The following ITSN1 variants were observed in gnomAD, a reference collection of about 807,000 sequenced individuals.
ITSN1 encodes intersectin 1, also known as intersectin-1.
A neutral mutation model predicts 239.8 loss-of-function variants in ITSN1; 58 were observed. The observed-to-expected ratio is 0.24, with a 90% CI of 0.20 to 0.30. ITSN1 has a LOEUF of 0.30. ITSN1 is among the 10% of genes least tolerant of loss of function. The pLI, the probability that ITSN1 is intolerant of heterozygous loss-of-function variation, is 1.00. For missense variants in ITSN1, 1,558 were observed against 2,103.3 expected (o/e 0.74, Z 5.07); for synonymous variants, 780 against 770.8 (o/e 1.01, Z -0.20).
chr21:33,873,604 C>T (rs1050476595), intron 33 of ITSN1, among the ~76,000 whole-genome samples: 1 of 152,216 alleles, frequency 6.6e-6, no homozygotes, highest in African/African-American at 2.4e-5. Context: ...GGCGTGGTGG[C>T]TCACGCCTGT....
At chr21:33,854,647 G>A (rs1232947103) in intron 29 of ITSN1, among the ~76,000 whole-genome samples, 1 of 152,198 alleles carries the variant, frequency 6.6e-6, no homozygotes, top group East Asian at 1.9e-4. Flanking sequence ...AGTGAGCCCC[G>A]TGGCCTGCCT....
At chr21:33,879,764 C>G (rs903661579) in intron 34 of ITSN1, among the ~76,000 whole-genome samples, 2 of 152,144 alleles carry the variant, frequency 1.3e-5, no homozygotes, top group Non-Finnish European at 2.9e-5. Context: ...ACTGCAACCT[C>G]CACCTCATGG....
rs1981505314 is a variant in ITSN1, at chr21:33,865,999, G to A, written c.4074+665G>A. 6.6e-6 allele frequency among the ~76,000 whole-genome samples: 1 copy of A among 151,774 alleles called. No homozygotes were observed. The highest frequency in any genetic ancestry group is 2.4e-5 in the African/African-American group (1 of 41,336). On this transcript the variant is annotated intron_variant, in intron 32 of 39. Coordinates refer to ENST00000381318, the MANE Select transcript of ITSN1 (RefSeq NM_003024.3). This position sits in a 1 kb window ranked among gnomAD's most constrained non-coding sequence, Gnocchi z 4.4. ...ATTCAAACAGCCCCCACATCTCCTGGAGAAAAAAAGGAGGAAGAGAATAAA... is the reference window on the plus strand; with the variant it reads ...ATTCAAACAGCCCCCACATCTCCTGAAGAAAAAAAGGAGGAAGAGAATAAA...
At chr21:33,753,558 C>T (rs2067703021) in intron 7 of ITSN1, among the ~76,000 whole-genome samples, 1 of 151,844 alleles carries the variant, frequency 6.6e-6, no homozygotes, top group Non-Finnish European at 1.5e-5. Context: ...GTCAGGAGTT[C>T]GAGACCAGCC....
At chr21:33,682,566 C>T (rs986704515) in intron 1 of ITSN1, among the ~76,000 whole-genome samples, 2 of 152,054 alleles carry the variant, frequency 1.3e-5, no homozygotes, top group African/African-American at 4.8e-5. Context: ...CTCTCTGTTG[C>T]CCAGGCTGGA....
At chr21:33,750,508 G>A (rs1274852194) in intron 6 of ITSN1, among the ~76,000 whole-genome samples, 186 bp downstream of exon 6, 2 of 152,164 alleles carry the variant, frequency 1.3e-5, no homozygotes, top group Non-Finnish European at 2.9e-5. Context: ...ATGTTAGTGT[G>A]GAGAGAGTCA....
intron 5 of ITSN1, among the ~76,000 whole-genome samples, chr21:33,740,134 A>G (rs956222893): frequency 1.3e-5 from 2 of 152,244 alleles, no homozygotes; most frequent in African/African-American, 4.8e-5. Context: ...TGGGGATAAC[A>G]GGAAGAGGAA....
chr21:33,837,657 A>AT (rs905906229), intron 29 of ITSN1: 7 of 985,822 alleles, frequency 7.1e-6, no homozygotes, highest in Non-Finnish European at 1.2e-6. Flanking sequence ...CATGTAATAC[A>AT]TCCTGTACAT....
chr21:33,830,472 A>G (rs2074229864), intron 27 of ITSN1, among the ~76,000 whole-genome samples: 1 of 152,182 alleles, frequency 6.6e-6, no homozygotes, highest in South Asian at 2.1e-4. Flanking sequence ...GGTGATCAGA[A>G]TGATGAGCAG....
chr21:33,824,145 G>A (rs2073846828), intron 25 of ITSN1, among the ~76,000 whole-genome samples: 1 of 152,032 alleles, frequency 6.6e-6, no homozygotes. Flanking sequence ...TCTAAGGGAT[G>A]GGTACACTTT....
intron 9 of ITSN1, among the ~76,000 whole-genome samples, chr21:33,764,517 G>C (rs2068584917): frequency 6.6e-6 from 1 of 152,142 alleles, no homozygotes; most frequent in Non-Finnish European, 1.5e-5. Flanking sequence ...GTTGCCAGGG[G>C]ATGGGGGCAA....
At chr21:33,715,835 T>C (rs1490979427) in intron 1 of ITSN1, among the ~76,000 whole-genome samples, 1 of 152,092 alleles carries the variant, frequency 6.6e-6, no homozygotes, top group Admixed American at 6.6e-5. Flanking sequence ...GGAGAATTGC[T>C]TGAACCCAGG....
chr21:33,659,495 C>T (rs914329313), intron 1 of ITSN1, among the ~76,000 whole-genome samples: 11 of 152,232 alleles, frequency 7.2e-5, no homozygotes, highest in Admixed American at 7.2e-4. Context: ...GGAGTCTGCA[C>T]TAACTCCGGT....
chr21:33,882,484 C>T lies in ITSN1; in HGVS notation c.4554+29C>T. ...AGTTGGATTCTAGATTTTGCATTAT[C>T]AGGGTTGACGTGTTTGGGGAGGAAG... On this transcript the variant is annotated intron_variant, in intron 35 of 39. Transcript: ENST00000381318. The surrounding 1 kb of genome is among the most constrained non-coding windows in gnomAD (Gnocchi z 4.5). 6.3e-7 allele frequency: 1 copy of T among 1,594,124 alleles called. No homozygotes were observed. Among genetic ancestry groups the T allele is most frequent in the East Asian group, 2.2e-5 (1 of 44,736 alleles).
rs938302483 is a variant in ITSN1 at position 33,882,586 on chromosome 21, C to T, written c.4554+131C>T. ...CAGGAGAAGGCCAGGAGTTGAAATG[C>T]GATTTAGGGTGTCCGGAGTGGAGGA... is the stretch of plus-strand genomic sequence containing the variant. On this transcript the variant is annotated intron_variant, in intron 35 of 39. Transcript: ENST00000381318. This position sits in a 1 kb window ranked among gnomAD's most constrained non-coding sequence, Gnocchi z 4.5. 13 of 711,138 alleles carry T rather than the reference C, an allele frequency of 1.8e-5. No homozygotes were observed. Among genetic ancestry groups the T allele is most frequent in the South Asian group, 1.1e-4 (6 of 53,916 alleles). 44.1% of individuals were successfully genotyped at this position (711,138 alleles called of 1,614,324 possible).
chr21:33,789,852 G>A (rs1203635539), intron 16 of ITSN1, among the ~76,000 whole-genome samples: 1 of 152,040 alleles, frequency 6.6e-6, no homozygotes, highest in East Asian at 1.9e-4. Context: ...GATTTTCTTG[G>A]GTATTCAATT....
At chr21:33,830,199 T>C (rs1286891486) in intron 27 of ITSN1, among the ~76,000 whole-genome samples, 1 of 152,186 alleles carries the variant, frequency 6.6e-6, no homozygotes, top group Non-Finnish European at 1.5e-5. Context: ...GTTAATCATA[T>C]CATCTTGTTT....
At chr21:33,708,893 C>G (rs779886603) in intron 1 of ITSN1, among the ~76,000 whole-genome samples, 1 of 152,158 alleles carries the variant, frequency 6.6e-6, no homozygotes, top group Non-Finnish European at 1.5e-5. Context: ...TCCAGTTGAT[C>G]CACTTTGTTT....
intron 33 of ITSN1, among the ~76,000 whole-genome samples, chr21:33,874,384 C>T (rs1011620058): frequency 6.6e-6 from 1 of 152,128 alleles, no homozygotes; most frequent in South Asian, 2.1e-4. Context: ...GCTGCAGCCA[C>T]CGCTCCTCTT....
Sources: gnomAD v4.1 joint callset for allele counts (sites outside exome capture counted in the v4.1 genomes callset) on GRCh38, gnomAD v4.1.1 for gene constraint, Gnocchi (gnomAD v3.1) non-coding constraint, MANE v1.5 for transcripts, NCBI Gene and HGNC (gene_info 2026-07-23, HGNC 2026-07-21) for gene names.